The following R3HCC1L variants were observed in gnomAD, a reference collection of about 807,000 sequenced individuals.
The protein encoded by R3HCC1L is R3H domain and coiled-coil containing 1 like.
R3HCC1L carries 51 observed loss-of-function variants against 59.9 expected under a neutral mutation model. That is an observed-to-expected ratio of 0.85 (90% CI 0.68 to 1.07). The LOEUF (loss-of-function observed/expected upper bound fraction) is 1.07. Among genes scored for constraint, R3HCC1L ranks in the 50% least tolerant of loss-of-function variants. The probability of loss-of-function intolerance (pLI) is 0.00; values close to 1 mark genes in which losing one functional copy is unlikely to be tolerated. For synonymous variants in R3HCC1L, 322 were observed against 315.2 expected (o/e 1.02, Z -0.23); for missense variants, 965 against 933.0 (o/e 1.03, Z -0.45).
At chr10:98,201,096 T>A (rs933878372) in intron 4 of R3HCC1L, among the ~76,000 whole-genome samples, 4 of 152,220 alleles carry the variant, frequency 2.6e-5, no homozygotes, top group Non-Finnish European at 4.4e-5. Flanking sequence ...TGACATTGAA[T>A]GTTCCATATT....
intron 9 of R3HCC1L, among the ~76,000 whole-genome samples, chr10:98,243,780 G>C (rs1857790601): frequency 6.6e-6 from 1 of 152,134 alleles, no homozygotes; most frequent in Non-Finnish European, 1.5e-5. Context: ...AAACATAGTT[G>C]AAAAGTAGAA....
intron 4 of R3HCC1L, among the ~76,000 whole-genome samples, chr10:98,188,014 G>A (rs1252920): frequency 0.32 from 48,667 of 151,764 alleles, 7,989 homozygotes; most frequent in East Asian, 0.48. Flanking sequence ...GAAGTCCTGG[G>A]GTTATAGGCA....
intron 5 of R3HCC1L, among the ~76,000 whole-genome samples, chr10:98,218,404 A>G (rs1295230102): frequency 1.3e-5 from 2 of 152,022 alleles, no homozygotes; most frequent in Admixed American, 6.6e-5. Context: ...GAATGCAAGG[A>G]TGATTCAACG....
At chr10:98,156,690 C>T (rs1042145156) in intron 2 of R3HCC1L, among the ~76,000 whole-genome samples, 8 of 152,026 alleles carry the variant, frequency 5.3e-5, no homozygotes, top group Non-Finnish European at 7.4e-5. Context: ...TGGGTGAGAC[C>T]GTTGTTGATT....
At position 98,209,450 on chromosome 10, in the gene R3HCC1L, A is replaced by G. The variant is rs183111131; in HGVS notation, c.1336A>G (p.Ile446Val). ...DFSNPSACSD[I>V]YGESISSHFT... ...CAGCAACCCTTCTGCTTGCTCAGAT[A>G]TTTATGGTGAGAGTATTTCATCTCA... is the stretch of plus-strand genomic sequence containing the variant. Residue 446 changes from isoleucine (I) to valine (V), a missense_variant, in exon 5 of 10, where the codon ATT (isoleucine) becomes GTT (valine). Ile to Val is a conservative substitution (Grantham distance 29). Transcript: ENST00000298999. The G allele has an allele frequency of 6.2e-7, 1 of 1,613,546 alleles. No homozygotes were observed. The highest frequency in any genetic ancestry group is 8.5e-7 in the Non-Finnish European group (1 of 1,179,976).
chr10:98,157,882 A>G (rs1847034810), intron 2 of R3HCC1L, among the ~76,000 whole-genome samples: 2 of 152,236 alleles, frequency 1.3e-5, no homozygotes, highest in African/African-American at 2.4e-5. Flanking sequence ...CATGATTATT[A>G]TACTTCTGAT....
chr10:98,242,745 G>A (rs1857673171), intron 9 of R3HCC1L, among the ~76,000 whole-genome samples: 1 of 152,188 alleles, frequency 6.6e-6, no homozygotes, highest in Non-Finnish European at 1.5e-5. Context: ...TCCTTGGGAT[G>A]TAGAACCAGA....
At chr10:98,147,939 A>G (rs544008252) in intron 1 of R3HCC1L, among the ~76,000 whole-genome samples, 5 of 152,144 alleles carry the variant, frequency 3.3e-5, no homozygotes, top group South Asian at 4.1e-4. Context: ...TTCTGTTTCT[A>G]TGAAGAATGT....
intron 4 of R3HCC1L, among the ~76,000 whole-genome samples, chr10:98,164,559 T>C (rs1286785056): frequency 6.6e-6 from 1 of 152,144 alleles, no homozygotes; most frequent in Non-Finnish European, 1.5e-5. Context: ...ACCTGTCTTA[T>C]TAGGAGTATT....
intron 4 of R3HCC1L, among the ~76,000 whole-genome samples, chr10:98,168,924 G>A (rs1848221391): frequency 6.6e-6 from 1 of 152,190 alleles, no homozygotes; most frequent in Non-Finnish European, 1.5e-5. Flanking sequence ...GGAGGAGTTG[G>A]TAGGAAGAAG....
chr10:98,185,351 G>A (rs1032542514), intron 4 of R3HCC1L, among the ~76,000 whole-genome samples: 19 of 152,130 alleles, frequency 1.2e-4, no homozygotes, highest in Middle Eastern at 6.8e-3. Flanking sequence ...GGGGAAGACC[G>A]GATAATTAAA....
At chr10:98,143,260 G>T (rs1204431833) in intron 1 of R3HCC1L, among the ~76,000 whole-genome samples, 7 of 152,206 alleles carry the variant, frequency 4.6e-5, no homozygotes, top group Admixed American at 1.3e-4. Context: ...AGAAGGAAAA[G>T]AAATAGTCTT....
intron 1 of R3HCC1L, among the ~76,000 whole-genome samples, chr10:98,150,834 C>T (rs567370113): frequency 6.6e-6 from 1 of 152,304 alleles, no homozygotes; most frequent in South Asian, 2.1e-4. Flanking sequence ...TCTGGCTGTC[C>T]TCAGGGATAC....
chr10:98,216,685 G>C (rs1444930375), intron 5 of R3HCC1L, among the ~76,000 whole-genome samples: 1 of 151,640 alleles, frequency 6.6e-6, no homozygotes, highest in African/African-American at 2.4e-5. Context: ...CAATTCTGCT[G>C]CCTCACCCTC....
Position 98,163,400 on chromosome 10 carries a change from A to C in R3HCC1L, c.-15+3A>C. 1 of 1,322,388 alleles carries C rather than the reference A, an allele frequency of 7.6e-7. No homozygotes were observed. Among genetic ancestry groups the C allele is most frequent in the Non-Finnish European group, 1.0e-6 (1 of 995,932 alleles). The allele number at this position is 1,322,388 out of a possible 1,614,324, so 81.9% of individuals were successfully genotyped here. A position where few individuals can be genotyped will look rare whatever the true frequency, so the allele number is the denominator to read the frequency against. On this transcript the variant is annotated splice_donor_region_variant and intron_variant, in intron 4 of 9. Transcript: ENST00000298999. ...AGAAAATAAATGTTACTTACATGGT[A>C]AGTTGCCTTTACTTATGCATATTTT...
intron 4 of R3HCC1L, among the ~76,000 whole-genome samples, chr10:98,186,998 GATA>G (rs781169780): frequency 4.6e-5 from 7 of 152,026 alleles, no homozygotes; most frequent in Non-Finnish European, 8.8e-5. Flanking sequence ...GTAAAATGGT[GATA>G]ATAATTATAT....
At chr10:98,243,452 C>T (rs1471871483) in intron 9 of R3HCC1L, among the ~76,000 whole-genome samples, 1 of 151,916 alleles carries the variant, frequency 6.6e-6, no homozygotes, top group African/African-American at 2.4e-5. Context: ...AACCAAGCTT[C>T]TATATTAAAA....
intron 4 of R3HCC1L, among the ~76,000 whole-genome samples, chr10:98,178,591 A>G (rs916022228): frequency 3.2e-4 from 48 of 152,200 alleles, no homozygotes; most frequent in Admixed American, 5.9e-4. Context: ...TTTTTTTCCA[A>G]TTCTGTGAAG....
chr10:98,136,477 T>G (rs1405575313), intron 1 of R3HCC1L, among the ~76,000 whole-genome samples: 2 of 152,214 alleles, frequency 1.3e-5, no homozygotes, highest in Non-Finnish European at 2.9e-5. Flanking sequence ...ATGAAATTGA[T>G]TTAGGTTTCA....
Sources: allele counts gnomAD v4.1 joint callset (sites outside exome capture counted in the v4.1 genomes callset), GRCh38; gene constraint gnomAD v4.1.1; transcripts MANE v1.5; gene names NCBI Gene and HGNC (gene_info 2026-07-23, HGNC 2026-07-21).